The following NCK2 variants were observed in gnomAD, a reference collection of about 807,000 sequenced individuals.
NCK2 encodes NCK adaptor protein 2, also known as cytoplasmic protein NCK2.
NCK2 carries 16 observed loss-of-function variants against 33.9 expected under a neutral mutation model. The observed-to-expected ratio is 0.47, with a 90% CI of 0.32 to 0.72. The LOEUF (loss-of-function observed/expected upper bound fraction) is 0.72, where lower values mean the gene tolerates loss of function less well. NCK2 is among the 30% of genes least tolerant of loss of function. The probability of loss-of-function intolerance (pLI) is 0.03; values close to 1 mark genes in which losing one functional copy is unlikely to be tolerated. For synonymous variants in NCK2, 273 were observed against 239.9 expected, an observed-to-expected ratio of 1.14 and a Z score of -1.27; for missense variants, 418 against 537.3, an observed-to-expected ratio of 0.78 and a Z score of 2.19.
At chr2:105,777,817 T>C (rs1181895747) in intron 1 of NCK2, among the ~76,000 whole-genome samples, 1 of 152,168 alleles carries the variant, frequency 6.6e-6, no homozygotes, top group Non-Finnish European at 1.5e-5. Context: ...CACGTGCATC[T>C]TGAAAATGCC....
At chr2:105,797,944 C>T (rs904992780) in intron 1 of NCK2, among the ~76,000 whole-genome samples, 1 of 152,058 alleles carries the variant, frequency 6.6e-6, no homozygotes, top group African/African-American at 2.4e-5. Context: ...TTTAATCGTC[C>T]CAAGTCAGGT....
At chr2:105,760,239 C>T (rs575810732) in intron 1 of NCK2, among the ~76,000 whole-genome samples, 2 of 152,318 alleles carry the variant, frequency 1.3e-5, no homozygotes, top group Non-Finnish European at 2.9e-5. Context: ...ACAGACAGCC[C>T]CTTGGCACTG....
At chr2:105,756,199 A>G (rs1225732816) in intron 1 of NCK2, among the ~76,000 whole-genome samples, 1 of 152,094 alleles carries the variant, frequency 6.6e-6, no homozygotes, top group Admixed American at 6.5e-5. Flanking sequence ...TGTTTAAATT[A>G]TTTCCTGTTC....
In NCK2 at chr2:105,893,318, C is replaced by T. The variant is rs1335282343; in HGVS notation, c.*142C>T. ...TTATGTTCAGGTCGCTTGGTCGGTTCGTCTCCCATTTGCCATCCAGGCCTC... is the reference window on the plus strand; with the variant it reads ...TTATGTTCAGGTCGCTTGGTCGGTTTGTCTCCCATTTGCCATCCAGGCCTC... On this transcript the variant is annotated 3_prime_UTR_variant, in exon 5 of 5. Transcript: ENST00000233154. 1.2e-5 allele frequency: 10 copies of T among 857,192 alleles called. No individual in the cohort carries two copies. The highest frequency in any genetic ancestry group is 2.7e-5 in the East Asian group (1 of 37,106). 53.1% of individuals were successfully genotyped at this position (857,192 alleles called of 1,614,324 possible).
chr2:105,771,085 G>C (rs575031241), intron 1 of NCK2, among the ~76,000 whole-genome samples: 49 of 152,066 alleles, frequency 3.2e-4, no homozygotes, highest in African/African-American at 1.2e-3. Flanking sequence ...ACCATGCCCA[G>C]CTACTTTTTT....
chr2:105,780,990 C>T (rs1690476018), intron 1 of NCK2, among the ~76,000 whole-genome samples: 1 of 152,164 alleles, frequency 6.6e-6, no homozygotes, highest in South Asian at 2.1e-4. Flanking sequence ...GACTAAGTGA[C>T]CCTCTCTTTT....
At position 105,894,252 on chromosome 2, in the gene NCK2, T is replaced by TA. The variant is rs373025110; in HGVS notation, c.*1084dup. The TA allele has an allele frequency of 4.6e-3, 705 of 152,456 alleles. 3 individuals are homozygous for TA. Among genetic ancestry groups the TA allele is most frequent in the Non-Finnish European group, 7.0e-3 (478 of 67,948 alleles). 9.4% of individuals were successfully genotyped at this position (152,456 alleles called of 1,614,324 possible). A position where few individuals can be genotyped will look rare whatever the true frequency, so the allele number is the denominator to read the frequency against. ...ATACCCAGTTTTTTGGATATTGTAA[T>TA]AAAAAAAAGTATTATGACAAGGCTC... On this transcript the variant is annotated 3_prime_UTR_variant, in exon 5 of 5. Coordinates refer to ENST00000233154, the MANE Select transcript of NCK2 (RefSeq NM_003581.5).
At chr2:105,753,056 T>C (rs1476443072) in intron 1 of NCK2, among the ~76,000 whole-genome samples, 2 of 152,182 alleles carry the variant, frequency 1.3e-5, no homozygotes, top group Non-Finnish European at 2.9e-5. Context: ...ATGTCTTAGG[T>C]TCCACAGCTA....
chr2:105,881,555 A>G lies in NCK2; in HGVS notation c.454A>G (p.Ser152Gly). 6.2e-7 allele frequency: 1 copy of G among 1,613,960 alleles called. No individual in the cohort carries two copies. Among genetic ancestry groups the G allele is most frequent in the Non-Finnish European group, 8.5e-7 (1 of 1,180,010 alleles). ...GTGCAGCGACGGTTGGTGGCGGGGC[A>G]GCTACAACGGGCAGATCGGCTGGTT... ...EKCSDGWWRG[S>G]YNGQIGWFPS... The change falls in exon 4 of 5, where the codon AGC becomes GGC. Residue 152 changes from serine to glycine, a missense_variant. By Grantham distance (56) the Ser-to-Gly change is moderately conservative. Coordinates refer to ENST00000233154, the MANE Select transcript of NCK2 (RefSeq NM_003581.5).
intron 1 of NCK2, among the ~76,000 whole-genome samples, chr2:105,773,571 A>C (rs12468535): frequency 0.32 from 48,781 of 151,972 alleles, 9,022 homozygotes; most frequent in East Asian, 0.46. Context: ...CCCCTTCCCC[A>C]GTCCTCTGTC....
intron 3 of NCK2, among the ~76,000 whole-genome samples, chr2:105,860,161 C>T (rs1029832556): frequency 6.6e-6 from 1 of 152,106 alleles, no homozygotes; most frequent in African/African-American, 2.4e-5. Context: ...TGTCATGTGC[C>T]TGTGGTCCCA....
At chr2:105,818,169 A>G (rs537896310) in intron 2 of NCK2, among the ~76,000 whole-genome samples, 2,626 of 151,516 alleles carry the variant, frequency 0.017, 40 homozygotes, top group Non-Finnish European at 0.021. Context: ...TCAGCAAACT[A>G]TCGCAAGGAC....
chr2:105,852,513 G>A (rs964688940), intron 2 of NCK2, among the ~76,000 whole-genome samples: 5 of 152,178 alleles, frequency 3.3e-5, no homozygotes, highest in Non-Finnish European at 2.9e-5. Flanking sequence ...TATGATGTTC[G>A]GTGTGCGTGA....
intron 1 of NCK2, among the ~76,000 whole-genome samples, chr2:105,754,084 G>A (rs929954543): frequency 3.9e-5 from 6 of 152,218 alleles, no homozygotes; most frequent in Admixed American, 2.6e-4. Flanking sequence ...ATAGGACGGT[G>A]AGTCTGGCGT....
At chr2:105,865,436 C>G (rs1033400814) in intron 3 of NCK2, among the ~76,000 whole-genome samples, 17 of 152,156 alleles carry the variant, frequency 1.1e-4, no homozygotes, top group African/African-American at 4.1e-4. Context: ...TGTTCAGTCT[C>G]AGGAATTGGG....
At chr2:105,770,136 A>G (rs900794928) in intron 1 of NCK2, among the ~76,000 whole-genome samples, 1 of 152,152 alleles carries the variant, frequency 6.6e-6, no homozygotes, top group Admixed American at 6.5e-5. Context: ...AAAAAAAAAA[A>G]AAAAAAGAAA....
At chr2:105,790,280 GCT>G (rs768282394) in intron 1 of NCK2, among the ~76,000 whole-genome samples, 1 of 152,240 alleles carries the variant, frequency 6.6e-6, no homozygotes, top group Non-Finnish European at 1.5e-5. Flanking sequence ...GCTTCCTGCA[GCT>G]CTCGTCATTG....
chr2:105,747,368 C>T (rs904723955), intron 1 of NCK2, among the ~76,000 whole-genome samples: 4 of 152,284 alleles, frequency 2.6e-5, no homozygotes, highest in Non-Finnish European at 4.4e-5. Flanking sequence ...CTAAGACTCC[C>T]GGAATGGCGC....
intron 2 of NCK2, among the ~76,000 whole-genome samples, chr2:105,844,536 A>G (rs1246283034): frequency 6.6e-6 from 1 of 150,890 alleles, no homozygotes; most frequent in African/African-American, 2.4e-5. Flanking sequence ...CCTGGCCAAC[A>G]TGATGAAACC....
Sources: gnomAD v4.1 joint callset for allele counts (sites outside exome capture counted in the v4.1 genomes callset) on GRCh38, gnomAD v4.1.1 for gene constraint, MANE v1.5 for transcripts, NCBI Gene and HGNC (gene_info 2026-07-23, HGNC 2026-07-21) for gene names.